CRKL: variants seen among roughly 807,000 people sequenced by gnomAD.
CRKL encodes the protein crk-like protein.
In CRKL, 3 loss-of-function variants were observed where a neutral mutation model predicts 23.0. That is an observed-to-expected ratio of 0.13 (90% CI 0.06 to 0.34). CRKL has a LOEUF of 0.34. Among genes scored for constraint, CRKL ranks in the 10% least tolerant of loss-of-function variants. The probability of loss-of-function intolerance (pLI) is 1.00; values close to 1 mark genes in which losing one functional copy is unlikely to be tolerated. For missense variants in CRKL, 256 were observed against 394.5 expected (o/e 0.65, Z 2.97); for synonymous variants, 188 against 160.7 (o/e 1.17, Z -1.28).
At chr22:20,947,661 T>C (rs545824074) in intron 2 of CRKL, among the ~76,000 whole-genome samples, 1 of 141,480 alleles carries the variant, frequency 7.1e-6, no homozygotes, top group East Asian at 2.1e-4. Flanking sequence ...TTTTCTTTTC[T>C]TTTTTCTTTT....
At chr22:20,940,060 G>A (rs542029743) in intron 2 of CRKL, among the ~76,000 whole-genome samples, 6 of 152,130 alleles carry the variant, frequency 3.9e-5, no homozygotes, top group Non-Finnish European at 7.3e-5. Context: ...AAAGTGCTGG[G>A]ATTATAGGCA....
At chr22:20,934,280 G>A (rs2147906286) in intron 2 of CRKL, 36 bp downstream of exon 2, 3 of 1,543,950 alleles carry the variant, frequency 1.9e-6, no homozygotes, top group Non-Finnish European at 2.6e-6. Context: ...TGGGTCCTTT[G>A]ACATTTGGTT....
At position 20,952,988 on chromosome 22, in the gene CRKL, C is replaced by A. The variant is rs555968837; in HGVS notation, c.*3143C>A. 7 of 231,794 alleles carry A rather than the reference C, an allele frequency of 3.0e-5. No individual in the cohort carries two copies. The highest frequency in any genetic ancestry group is 6.0e-5 in the Non-Finnish European group (7 of 116,962). 14.4% of individuals were successfully genotyped at this position (231,794 alleles called of 1,614,324 possible). A position where few individuals can be genotyped will look rare whatever the true frequency, so the allele number is the denominator to read the frequency against. On this transcript the variant is annotated 3_prime_UTR_variant, in exon 3 of 3. Coordinates refer to ENST00000354336, the MANE Select transcript of CRKL (RefSeq NM_005207.4). ...TGTGCCCTCCTGGGAGCTCATGTGT[C>A]CCTGGCGCTGTGCTAGCTTTCCTTT...
At chr22:20,927,512 C>CT (rs76277528) in intron 1 of CRKL, among the ~76,000 whole-genome samples, 235 of 53,844 alleles carry the variant, frequency 4.4e-3, no homozygotes, top group African/African-American at 0.01. Context: ...AAGTTTTCTA[C>CT]CTTTTTTTTT....
intron 1 of CRKL, among the ~76,000 whole-genome samples, chr22:20,930,570 G>A: frequency 6.6e-6 from 1 of 150,528 alleles, no homozygotes; most frequent in East Asian, 2.0e-4. Context: ...AGTAGTGACA[G>A]GGTTTTTTGT....
intron 2 of CRKL, among the ~76,000 whole-genome samples, chr22:20,940,111 G>T (rs1921816164): frequency 6.6e-6 from 1 of 152,096 alleles, no homozygotes; most frequent in Admixed American, 6.5e-5. Context: ...TAAAATCCTG[G>T]TTATGTCATC....
At chr22:20,937,227 A>G (rs940919602) in intron 2 of CRKL, among the ~76,000 whole-genome samples, 4 of 152,178 alleles carry the variant, frequency 2.6e-5, no homozygotes, top group Non-Finnish European at 5.9e-5. Context: ...TCTATGCCTC[A>G]GCACCTTGGT....
At chr22:20,929,330 A>G (rs5761382) in intron 1 of CRKL, among the ~76,000 whole-genome samples, 97,667 of 151,180 alleles carry the variant, frequency 0.65, 32,149 homozygotes, top group South Asian at 0.8. Flanking sequence ...ACGCTCAGCT[A>G]ATTTTTTTGT....
chr22:20,929,016 G>C (rs1204423185), intron 1 of CRKL, among the ~76,000 whole-genome samples: 1 of 152,038 alleles, frequency 6.6e-6, no homozygotes, highest in Non-Finnish European at 1.5e-5. Context: ...TGAGAGATTC[G>C]TTATCATCAG....
chr22:20,952,861 CGAG>C lies in CRKL; in HGVS notation c.*3019_*3021del. On this transcript the variant is annotated 3_prime_UTR_variant, in exon 3 of 3. Coordinates refer to ENST00000354336, the MANE Select transcript of CRKL (RefSeq NM_005207.4). ...TGGAACCACCTGATGACATGGTTAACGAGGAAGACGATGTGTTGACCGGCTGCC... is the reference window on the plus strand; with the variant it reads ...TGGAACCACCTGATGACATGGTTAACGAAGACGATGTGTTGACCGGCTGCC... The C allele has an allele frequency of 4.3e-6, 1 of 231,446 alleles. No homozygotes were observed. Among genetic ancestry groups the C allele is most frequent in the South Asian group, 1.8e-4 (1 of 5,498 alleles). The allele number at this position is 231,446 out of a possible 1,614,324, so 14.3% of individuals were successfully genotyped here.
intron 1 of CRKL, among the ~76,000 whole-genome samples, chr22:20,918,754 G>A (rs1929784799): frequency 6.6e-6 from 1 of 152,074 alleles, no homozygotes; most frequent in Non-Finnish European, 1.5e-5. Context: ...ACCACACCCA[G>A]CTAATTTTTG....
intron 1 of CRKL, 110 bp from the exon 2 acceptor site, chr22:20,933,669 T>TA: frequency 1.0e-6 from 1 of 981,188 alleles, no homozygotes; most frequent in Admixed American, 2.6e-5. Flanking sequence ...ACTTGTCTCA[T>TA]AAAAAAGGAA....
In CRKL at chr22:20,917,912, C is replaced by T. The variant is rs2147891143; in HGVS notation, c.-23C>T. The stretch of plus-strand genomic sequence containing the variant: ...CGAGGACAGCCGCCGCCCCTACCGC[C>T]GCAGAGTCCCCGGTCCAACACCATG... On this transcript the variant is annotated 5_prime_UTR_variant, in exon 1 of 3. Transcript: ENST00000354336. 2 of 1,604,648 alleles carry T rather than the reference C, an allele frequency of 1.2e-6. No individual in the cohort carries two copies. Among genetic ancestry groups the T allele is most frequent in the South Asian group, 2.2e-5 (2 of 90,194 alleles).
intron 2 of CRKL, among the ~76,000 whole-genome samples, chr22:20,941,014 G>A (rs1331588527): frequency 6.6e-6 from 1 of 152,008 alleles, no homozygotes; most frequent in East Asian, 1.9e-4. Context: ...ATCATCATGA[G>A]TTCCTCCTGC....
chr22:20,921,968 A>G lies in CRKL; in HGVS notation c.311+3723A>G, dbSNP rs573001410. Among the ~76,000 whole-genome samples the G allele has an allele frequency of 1.1e-4, 17 of 148,696 alleles. No homozygotes were observed. In the South Asian group the frequency reaches 3.2e-3, roughly 28 times the overall value. On this transcript the variant is annotated intron_variant, in intron 1 of 2. Coordinates refer to ENST00000354336, the MANE Select transcript of CRKL (RefSeq NM_005207.4). The stretch of plus-strand genomic sequence containing the variant: ...AGTGATCCGCCCGCCTCGGCCTCCC[A>G]AAGTGCTGGAATTACAAGTGTGAGC...
At chr22:20,931,163 T>C (rs920212479) in intron 1 of CRKL, among the ~76,000 whole-genome samples, 4 of 152,110 alleles carry the variant, frequency 2.6e-5, no homozygotes, top group African/African-American at 9.7e-5. Flanking sequence ...CCCAACACTT[T>C]GGGAGGCCAA....
chr22:20,941,201 A>G lies in CRKL; in HGVS notation c.777+6957A>G, dbSNP rs149274369. Reference sequence around the variant, plus strand: ...TTACCAAGGCTTCCCAGAAAGGCCCACAAGTTAGCATTCACCTTAAGCAAG... The same window carrying G: ...TTACCAAGGCTTCCCAGAAAGGCCCGCAAGTTAGCATTCACCTTAAGCAAG... On this transcript the variant is annotated intron_variant, in intron 2 of 2. Coordinates refer to ENST00000354336, the MANE Select transcript of CRKL (RefSeq NM_005207.4). Among the ~76,000 whole-genome samples, 712 of 152,112 alleles carry G rather than the reference A, an allele frequency of 4.7e-3. 5 individuals are homozygous for G. Among genetic ancestry groups the G allele is most frequent in the African/African-American group, 0.016 (684 of 41,490 alleles).
intron 2 of CRKL, among the ~76,000 whole-genome samples, chr22:20,937,759 G>C (rs1319144259): frequency 1.3e-5 from 2 of 152,046 alleles, no homozygotes; most frequent in Non-Finnish European, 2.9e-5. Context: ...GGTTTGTTTG[G>C]TGCTTGACTG....
chr22:20,939,124 T>G (rs1008654624), intron 2 of CRKL, among the ~76,000 whole-genome samples: 1 of 152,002 alleles, frequency 6.6e-6, no homozygotes, highest in African/African-American at 2.4e-5. Context: ...AAACATTCAC[T>G]TCAACAAAAG....
Sources: gnomAD v4.1 joint callset for allele counts (sites outside exome capture counted in the v4.1 genomes callset) on GRCh38, gnomAD v4.1.1 for gene constraint, MANE v1.5 for transcripts, NCBI Gene and HGNC (gene_info 2026-07-23, HGNC 2026-07-21) for gene names.